The following KDM6A variants were observed in gnomAD, a reference collection of about 807,000 sequenced individuals.
The protein encoded by KDM6A is lysine-specific demethylase 6A.
Under a neutral mutation model 117.6 loss-of-function variants are expected in KDM6A, and 11 were observed. The observed-to-expected ratio is 0.09, with a 90% CI of 0.06 to 0.15. The LOEUF is 0.15. Ranked by LOEUF, KDM6A falls within the 10% of genes least tolerant of loss-of-function variation. The pLI, the probability that KDM6A is intolerant of heterozygous loss-of-function variation, is 1.00. For synonymous variants in KDM6A, 384 were observed against 396.1 expected, an observed-to-expected ratio of 0.97 and a Z score of 0.36; for missense variants, 799 against 1,077.3, an observed-to-expected ratio of 0.74 and a Z score of 3.62.
intron 2 of KDM6A, among the ~76,000 whole-genome samples, chrX:44,930,497 C>CT (rs1311442519): frequency 9.0e-6 from 1 of 111,581 alleles, no homozygotes; most frequent in Non-Finnish European, 1.9e-5. Flanking sequence ...GGAACTCTAC[C>CT]TTTTTACATG....
chrX:44,984,600 G>A (rs1427124944), intron 4 of KDM6A, among the ~76,000 whole-genome samples: 1 of 111,581 alleles, frequency 9.0e-6, no homozygotes, highest in African/African-American at 3.3e-5. Flanking sequence ...AAGGTGTAAG[G>A]AAGGGATCCA....
intron 28 of KDM6A, 66 bp from the exon 29 acceptor site, chrX:45,110,013 T>A: frequency 1.0e-6 from 1 of 997,715 alleles, no homozygotes; most frequent in African/African-American, 1.9e-5. Flanking sequence ...ATTCCATGAT[T>A]ATACTAAAGC....
At chrX:45,046,224 G>GA (rs1002026598) in intron 8 of KDM6A, among the ~76,000 whole-genome samples, 2 of 111,592 alleles carry the variant, frequency 1.8e-5, no homozygotes, top group East Asian at 2.8e-4. Flanking sequence ...CATAGATTCT[G>GA]AAAAAATCTT....
At chrX:44,873,858 C>A in intron 1 of KDM6A, 66 bp from the exon 2 acceptor site, 1 of 1,169,770 alleles carries the variant, frequency 8.5e-7, no homozygotes, top group Admixed American at 2.3e-5. Context: ...GGGCCTCGGG[C>A]TCGGGCAGGG....
chrX:45,068,552 C>CT (rs746190040), intron 17 of KDM6A, among the ~76,000 whole-genome samples: 16 of 95,159 alleles, frequency 1.7e-4, no homozygotes, highest in Middle Eastern at 5.3e-3. Flanking sequence ...TTTTTCTCCC[C>CT]TTTTTTTTTA....
chrX:44,907,360 C>T (rs2034750016), intron 2 of KDM6A, among the ~76,000 whole-genome samples: 1 of 111,102 alleles, frequency 9.0e-6, no homozygotes, highest in Admixed American at 9.6e-5. Flanking sequence ...TGACTGCAAC[C>T]TCTGCCTCCC....
intron 24 of KDM6A, among the ~76,000 whole-genome samples, chrX:45,084,672 G>A (rs1205640749): frequency 1.8e-5 from 2 of 110,719 alleles, no homozygotes; most frequent in African/African-American, 6.6e-5. Context: ...ACTCAGGCTG[G>A]AGTGCAGTGA....
At chrX:44,896,304 C>A (rs1304337435) in intron 2 of KDM6A, among the ~76,000 whole-genome samples, 3 of 110,467 alleles carry the variant, frequency 2.7e-5, no homozygotes, top group African/African-American at 9.9e-5. Context: ...GTCACGATCT[C>A]CTGACCTCGT....
intron 3 of KDM6A, among the ~76,000 whole-genome samples, chrX:44,971,455 A>T (rs903033518): frequency 8.9e-6 from 1 of 112,206 alleles, no homozygotes; most frequent in African/African-American, 3.2e-5. Flanking sequence ...ATATGATTTT[A>T]TATATATTTT....
chrX:44,914,721 C>T (rs1216602031), intron 2 of KDM6A, among the ~76,000 whole-genome samples: 1 of 110,294 alleles, frequency 9.1e-6, no homozygotes, highest in Non-Finnish European at 1.9e-5. Flanking sequence ...GGAAAAGAAC[C>T]AGATGTAATT....
In KDM6A at chrX:45,010,206, A is replaced by G. The variant is rs2041690625; in HGVS notation, c.385-755A>G. On this transcript the variant is annotated intron_variant, in intron 4 of 29. Coordinates refer to ENST00000611820, the MANE Select transcript of KDM6A (RefSeq NM_001291415.2). ...GAGTAGGATCTGGGCATGGTGTCAC[A>G]TGCCTTTAGTCCCAGCTACTTGGGA... Among the ~76,000 whole-genome samples, 3 of 110,583 alleles carry G rather than the reference A, an allele frequency of 2.7e-5. No individual in the cohort carries two copies. In the Admixed American group the frequency reaches 2.9e-4, roughly 11 times the overall value.
chrX:45,065,018 A>T (rs939066426), intron 17 of KDM6A, among the ~76,000 whole-genome samples: 2 of 111,920 alleles, frequency 1.8e-5, no homozygotes, highest in Middle Eastern at 4.2e-3. Context: ...ACATTAGATG[A>T]TGGTTGTGAT....
intron 8 of KDM6A, among the ~76,000 whole-genome samples, chrX:45,040,485 C>A (rs1217537479): frequency 6.4e-5 from 5 of 77,559 alleles, no homozygotes; most frequent in Admixed American, 1.3e-4. Context: ...GGGCGGCTGG[C>A]CAGGCGGGGG....
At chrX:45,057,190 AC>A (rs1184553354) in intron 10 of KDM6A, among the ~76,000 whole-genome samples, 5 of 111,585 alleles carry the variant, frequency 4.5e-5, no homozygotes, top group Non-Finnish European at 9.4e-5. Context: ...TATCTTAAAC[AC>A]CAGGACAACA....
intron 2 of KDM6A, among the ~76,000 whole-genome samples, chrX:44,897,681 A>G (rs953925152): frequency 1.5e-4 from 17 of 111,252 alleles, no homozygotes; most frequent in Non-Finnish European, 3.8e-5. Context: ...TGATTCTCCT[A>G]CCTTGGCCTG....
intron 6 of KDM6A, among the ~76,000 whole-genome samples, chrX:45,028,594 G>A (rs2042472348): frequency 8.9e-6 from 1 of 111,949 alleles, no homozygotes; most frequent in African/African-American, 3.2e-5. Flanking sequence ...GGCAGAGGAT[G>A]GTCATTGCTG....
At chrX:44,998,545 C>G (rs2040979494) in intron 4 of KDM6A, among the ~76,000 whole-genome samples, 1 of 111,323 alleles carries the variant, frequency 9.0e-6, no homozygotes, top group Admixed American at 9.6e-5. Flanking sequence ...CCCACCTTCC[C>G]CCTTTTTTTA....
At chrX:45,097,409 A>G (rs1238633293) in intron 27 of KDM6A, among the ~76,000 whole-genome samples, 1 of 111,450 alleles carries the variant, frequency 9.0e-6, no homozygotes, top group Non-Finnish European at 1.9e-5. Flanking sequence ...TTTATAATAT[A>G]TCGTACCTTC....
At chrX:45,023,887 T>G (rs1441904197) in intron 6 of KDM6A, among the ~76,000 whole-genome samples, 1 of 111,850 alleles carries the variant, frequency 8.9e-6, no homozygotes, top group African/African-American at 3.3e-5. Flanking sequence ...TGAGAACATG[T>G]GATGTTTGGT....
Sources: allele counts gnomAD v4.1 joint callset (sites outside exome capture counted in the v4.1 genomes callset), GRCh38; gene constraint gnomAD v4.1.1; transcripts MANE v1.5; gene names NCBI Gene and HGNC (gene_info 2026-07-23, HGNC 2026-07-21).